The following ZNF385D variants were observed in gnomAD, a reference collection of about 807,000 sequenced individuals.
ZNF385D encodes the protein zinc finger protein 659.
ZNF385D carries 15 observed loss-of-function variants against 35.8 expected under a neutral mutation model. That is an observed-to-expected ratio of 0.42 (90% confidence interval 0.28 to 0.64). The LOEUF is 0.64. Among genes scored for constraint, ZNF385D ranks in the 30% least tolerant of loss-of-function variants. The pLI is 0.23. For missense variants in ZNF385D, 474 were observed against 494.6 expected, an observed-to-expected ratio of 0.96 and a Z score of 0.39; for synonymous variants, 212 against 186.8, an observed-to-expected ratio of 1.13 and a Z score of -1.10.
intron 2 of ZNF385D, among the ~76,000 whole-genome samples, chr3:22,228,212 C>T (rs1172091818): frequency 6.6e-6 from 1 of 152,170 alleles, no homozygotes; most frequent in African/African-American, 2.4e-5. Context: ...AGCTACTAAC[C>T]CTACAGAGAT....
chr3:21,786,380 G>C (rs1046570726), intron 3 of ZNF385D, among the ~76,000 whole-genome samples: 3 of 152,152 alleles, frequency 2.0e-5, no homozygotes, highest in Non-Finnish European at 2.9e-5. Context: ...CTCCTTTAGG[G>C]AAGTCGGCAT....
intron 2 of ZNF385D, among the ~76,000 whole-genome samples, chr3:22,192,752 C>A (rs1357402613): frequency 6.6e-6 from 1 of 152,248 alleles, no homozygotes; most frequent in South Asian, 2.1e-4. Context: ...GATAATTGTT[C>A]TTCAGCCCAG....
intron 3 of ZNF385D, among the ~76,000 whole-genome samples, chr3:21,767,214 C>A (rs1269745904): frequency 1.3e-5 from 2 of 152,128 alleles, no homozygotes; most frequent in Non-Finnish European, 1.5e-5. Context: ...GAGATAGCCA[C>A]CTTTAAACAA....
chr3:21,801,981 C>T (rs1346605271), intron 3 of ZNF385D, among the ~76,000 whole-genome samples: 1 of 152,054 alleles, frequency 6.6e-6, no homozygotes, highest in Admixed American at 6.6e-5. Flanking sequence ...ATAAACAATT[C>T]ATAAATGGCA....
intron 3 of ZNF385D, among the ~76,000 whole-genome samples, chr3:21,784,294 A>G (rs936642508): frequency 2.6e-5 from 4 of 152,180 alleles, no homozygotes; most frequent in Admixed American, 6.6e-5. Flanking sequence ...CCAGCTCTCA[A>G]TGTGGGCCAC....
At chr3:22,037,345 C>A (rs1349928992) in intron 3 of ZNF385D, among the ~76,000 whole-genome samples, 4 of 150,314 alleles carry the variant, frequency 2.7e-5, no homozygotes, top group Admixed American at 1.3e-4. Flanking sequence ...AAAAGTGTTC[C>A]TATTTCTCCA....
intron 2 of ZNF385D, among the ~76,000 whole-genome samples, chr3:22,283,377 T>A (rs185566306): frequency 2.0e-5 from 3 of 152,140 alleles, no homozygotes; most frequent in Non-Finnish European, 4.4e-5. Flanking sequence ...CTGCAGAATA[T>A]ACATTCTATT....
At chr3:21,663,348 A>C (rs2066294639) in intron 2 of ZNF385D, among the ~76,000 whole-genome samples, 1 of 152,092 alleles carries the variant, frequency 6.6e-6, no homozygotes, top group Non-Finnish European at 1.5e-5. Flanking sequence ...AAAAGTTTTA[A>C]ATCCAGCCTT....
chr3:21,936,319 T>A (rs1163811381), intron 3 of ZNF385D, among the ~76,000 whole-genome samples: 2 of 152,120 alleles, frequency 1.3e-5, no homozygotes, highest in East Asian at 3.9e-4. Flanking sequence ...ATTTCAATCA[T>A]CTTAGCGTAT....
chr3:21,564,516 G>T, intron 3 of ZNF385D, 58 bp downstream of exon 3: 1 of 1,125,796 alleles, frequency 8.9e-7, no homozygotes, highest in South Asian at 1.8e-5. Flanking sequence ...TCTCCTGCAA[G>T]ATTAGAACAG....
chr3:22,010,070 G>T (rs563870791), intron 3 of ZNF385D, among the ~76,000 whole-genome samples: 16 of 152,098 alleles, frequency 1.1e-4, no homozygotes, highest in African/African-American at 3.9e-4. Context: ...CTAATCATCT[G>T]CCTGACAGTA....
intron 3 of ZNF385D, among the ~76,000 whole-genome samples, chr3:22,080,649 T>C (rs1404975942): frequency 3.3e-5 from 5 of 152,038 alleles, no homozygotes; most frequent in Non-Finnish European, 7.4e-5. Flanking sequence ...TATGAAATAC[T>C]TCGATAAATA....
intron 1 of ZNF385D, among the ~76,000 whole-genome samples, chr3:21,736,308 A>T (rs573429596): frequency 1.2e-3 from 182 of 152,304 alleles, no homozygotes; most frequent in African/African-American, 3.5e-3. Context: ...TACCATAAAG[A>T]CATGCTATAG....
chr3:21,954,591 A>C (rs1702205875), intron 3 of ZNF385D, among the ~76,000 whole-genome samples: 1 of 152,062 alleles, frequency 6.6e-6, no homozygotes, highest in African/African-American at 2.4e-5. Flanking sequence ...GTTAGGTGTA[A>C]ACAACTTAAT....
At chr3:21,687,652 G>A (rs1041553356) in intron 1 of ZNF385D, among the ~76,000 whole-genome samples, 7 of 151,898 alleles carry the variant, frequency 4.6e-5, no homozygotes, top group Admixed American at 3.3e-4. Context: ...CCCTGGGTTT[G>A]GACAAATGTA....
intron 3 of ZNF385D, among the ~76,000 whole-genome samples, chr3:21,886,835 G>A (rs1698572521): frequency 6.6e-6 from 1 of 152,076 alleles, no homozygotes; most frequent in African/African-American, 2.4e-5. Flanking sequence ...CCTACCTAAT[G>A]ACATTAACTT....
At chr3:21,496,526 T>A (rs1048595045) in intron 4 of ZNF385D, among the ~76,000 whole-genome samples, 14 of 129,072 alleles carry the variant, frequency 1.1e-4, no homozygotes, top group African/African-American at 1.7e-4. Flanking sequence ...ACACATATAT[T>A]TGATATATAT....
intron 2 of ZNF385D, among the ~76,000 whole-genome samples, chr3:22,283,162 AC>A (rs1383311259): frequency 6.6e-6 from 1 of 152,144 alleles, no homozygotes; most frequent in Admixed American, 6.6e-5. Context: ...TGCACATAAC[AC>A]TTGAGCTCCC....
At chr3:22,201,860 A>T (rs2125244128) in intron 2 of ZNF385D, among the ~76,000 whole-genome samples, 1 of 151,868 alleles carries the variant, frequency 6.6e-6, no homozygotes, top group Non-Finnish European at 1.5e-5. Flanking sequence ...TTATTTTCTC[A>T]GTTCTTCATT....
Sources: gnomAD v4.1 joint callset for allele counts (sites outside exome capture counted in the v4.1 genomes callset) on GRCh38, gnomAD v4.1.1 for gene constraint, MANE v1.5 for transcripts, NCBI Gene and HGNC (gene_info 2026-07-23, HGNC 2026-07-21) for gene names.